BCR: variants seen among roughly 807,000 people sequenced by gnomAD.
BCR encodes the protein BCR activator of RhoGEF and GTPase.
BCR carries 58 observed loss-of-function variants against 138.6 expected under a neutral mutation model. The observed-to-expected ratio is 0.42, with a 90% CI of 0.34 to 0.52. The LOEUF (loss-of-function observed/expected upper bound fraction) is 0.52. BCR is among the 20% of genes least tolerant of loss of function. The pLI is 0.06. For missense variants in BCR, 1,599 were observed against 1,727.2 expected (o/e 0.93, Z 1.32); for synonymous variants, 786 against 730.1 (o/e 1.08, Z -1.23).
At chr22:23,204,089 G>C (rs1464527188) in intron 1 of BCR, among the ~76,000 whole-genome samples, 1 of 152,158 alleles carries the variant, frequency 6.6e-6, no homozygotes, top group African/African-American at 2.4e-5. Flanking sequence ...TGGGCTTGGG[G>C]AGGAAAGGAG....
intron 1 of BCR, among the ~76,000 whole-genome samples, chr22:23,189,188 T>G (rs1279439276): frequency 2.0e-5 from 3 of 152,122 alleles, no homozygotes; most frequent in African/African-American, 7.2e-5. Flanking sequence ...TGCACCATTT[T>G]CTCCATTTTT....
At chr22:23,271,468 G>A (rs1339696397) in intron 5 of BCR, 64 bp from the exon 6 acceptor site, 1 of 1,522,048 alleles carries the variant, frequency 6.6e-7, no homozygotes, top group African/African-American at 1.4e-5. Context: ...GCCAAAGGGG[G>A]AACTGTCTGC....
intron 4 of BCR, chr22:23,263,856 C>T (rs1239883850): frequency 9.9e-7 from 1 of 1,007,484 alleles, no homozygotes; most frequent in African/African-American, 1.6e-5. Context: ...GACTGAAGAC[C>T]AAATCTGGTC....
At chr22:23,262,105 T>C (rs372939663) in intron 4 of BCR, 1 of 34,762 alleles carries the variant, frequency 2.9e-5, no homozygotes, top group Non-Finnish European at 5.3e-5. Flanking sequence ...ACACCCTGTG[T>C]GCGCCATCAC....
chr22:23,234,215 G>T (rs1216080505), intron 1 of BCR, among the ~76,000 whole-genome samples: 3 of 152,194 alleles, frequency 2.0e-5, no homozygotes, highest in Non-Finnish European at 4.4e-5. Flanking sequence ...CTGCGACCCT[G>T]TGTGTTTGAT....
At chr22:23,194,106 G>T (rs1055321231) in intron 1 of BCR, among the ~76,000 whole-genome samples, 2 of 152,250 alleles carry the variant, frequency 1.3e-5, no homozygotes, top group Non-Finnish European at 2.9e-5. Context: ...TGGAAGCTCA[G>T]CGTAGCCTGT....
In BCR at chr22:23,316,272, A is replaced by G; in HGVS notation, c.*750A>G. The G allele has an allele frequency of 6.2e-6, 1 of 160,352 alleles. No individual in the cohort carries two copies. Among genetic ancestry groups the G allele is most frequent in the Non-Finnish European group, 1.2e-5 (1 of 86,848 alleles). The allele number at this position is 160,352 out of a possible 1,614,324, so 9.9% of individuals were successfully genotyped here. ...AGAGCGACCTCGTCCCCCGATCCTG[A>G]CCGCCCTTCCGGCCCACGCTCTCCT... On this transcript the variant is annotated 3_prime_UTR_variant, in exon 23 of 23. Coordinates refer to ENST00000305877, the MANE Select transcript of BCR (RefSeq NM_004327.4).
chr22:23,295,382 C>T lies in BCR; in HGVS notation c.3012+227C>T, dbSNP rs189227265. ...CGTGTCTGTTGCGTCGGCTCATTCC[C>T]AAAGGAATTTCCATTCAACTTGGTT... is the stretch of plus-strand genomic sequence containing the variant. On this transcript the variant is annotated intron_variant, in intron 16 of 22. Coordinates refer to ENST00000305877, the MANE Select transcript of BCR (RefSeq NM_004327.4). Among the ~76,000 whole-genome samples, 10 of 152,318 alleles carry T rather than the reference C, an allele frequency of 6.6e-5. No individual in the cohort carries two copies. In the East Asian group the frequency reaches 1.5e-3, roughly 24 times the overall value.
intron 1 of BCR, among the ~76,000 whole-genome samples, chr22:23,201,454 G>GT (rs965485021): frequency 2.1e-5 from 2 of 95,024 alleles, no homozygotes; most frequent in African/African-American, 1.2e-4. Flanking sequence ...AGTGAATCTG[G>GT]TTTTTTTGTT....
At chr22:23,207,065 G>A (rs2072625743) in intron 1 of BCR, among the ~76,000 whole-genome samples, 1 of 150,332 alleles carries the variant, frequency 6.7e-6, no homozygotes, top group Admixed American at 6.7e-5. Context: ...ATCCAAACAT[G>A]CATCCATTCA....
intron 4 of BCR, among the ~76,000 whole-genome samples, chr22:23,262,476 C>T (rs2073372553): frequency 1.3e-5 from 2 of 152,254 alleles, no homozygotes; most frequent in South Asian, 4.1e-4. Flanking sequence ...TTCTTGCTCC[C>T]TGGGGCTCTT....
rs987224783 is a variant in BCR, at chr22:23,222,697, G to C, written c.1280-31102G>C. Among the ~76,000 whole-genome samples, 3 of 152,144 alleles carry C rather than the reference G, an allele frequency of 2.0e-5. No individual in the cohort carries two copies. The East Asian group carries it at 5.8e-4, about 29-fold the overall frequency. ...AGACCAGACGTGGGCTATGTTGTCT[G>C]GGCCTGTGAAGCTGAGTTCAAGAGC... On this transcript the variant is annotated intron_variant, in intron 1 of 22. Coordinates refer to ENST00000305877, the MANE Select transcript of BCR (RefSeq NM_004327.4).
chr22:23,314,881 G>T (rs749655553), intron 22 of BCR, among the ~76,000 whole-genome samples, 167 bp downstream of exon 22: 74 of 152,294 alleles, frequency 4.9e-4, no homozygotes, highest in Middle Eastern at 6.8e-3. Flanking sequence ...TGATAGTGGG[G>T]GCCCAGGCCA....
rs1489217872 is a variant in BCR at position 23,182,027 on chromosome 22, G to A, written c.1067G>A (p.Ser356Asn). The A allele has an allele frequency of 1.2e-6, 2 of 1,613,098 alleles. No individual in the cohort carries two copies. Among genetic ancestry groups the A allele is most frequent in the Non-Finnish European group, 1.7e-6 (2 of 1,179,462 alleles). The change falls in exon 1 of 23, where the codon AGC (serine) becomes AAC (asparagine). Residue 356 changes from serine (S) to asparagine (N), a missense_variant. Physicochemically the swap from Ser to Asn is conservative, Grantham distance 46. This residue lies in a region of BCR where 806 missense variants were observed against 635.0 expected (regional missense o/e 1.27). Coordinates refer to ENST00000305877, the MANE Select transcript of BCR (RefSeq NM_004327.4). ...SSGQSSRVSP[S>N]PTTYRMFRDK... The stretch of plus-strand genomic sequence containing the variant: ...GGCCAGTCCAGCCGCGTGTCCCCAA[G>A]CCCCACCACCTACCGCATGTTCCGG...
intron 1 of BCR, among the ~76,000 whole-genome samples, chr22:23,234,447 A>C (rs907775177): frequency 6.6e-6 from 1 of 152,002 alleles, no homozygotes; most frequent in Non-Finnish European, 1.5e-5. Context: ...CGTCCTAAGG[A>C]GCTTATGAGA....
At chr22:23,249,431 CAAA>C (rs535635463) in intron 1 of BCR, among the ~76,000 whole-genome samples, 7 of 66,174 alleles carry the variant, frequency 1.1e-4, no homozygotes, top group Non-Finnish European at 6.4e-5. Flanking sequence ...GACTCTGTCT[CAAA>C]AAAAAAAAAA....
chr22:23,263,534 C>A, intron 4 of BCR: 1 of 1,576,484 alleles, frequency 6.3e-7, no homozygotes, highest in Non-Finnish European at 8.7e-7. Flanking sequence ...CTAATTTCAT[C>A]CTGGCCTACC....
rs1197824642 is a variant in BCR, at chr22:23,180,939, CGCAGG to C, written c.-21_-17del. On this transcript the variant is annotated 5_prime_UTR_variant, in exon 1 of 23. The change abolishes the stop of an existing upstream ORF in the 5' untranslated region. Coordinates refer to ENST00000305877, the MANE Select transcript of BCR (RefSeq NM_004327.4). ...ACGGGCCCCGCGCGCAGCCCGGCGG[CGCAGG>C]TAAGGCCGGCCGCGCCATGGTGGAC... 4 of 1,195,940 alleles carry C rather than the reference CGCAGG, an allele frequency of 3.3e-6. No individual in the cohort carries two copies. The highest frequency in any genetic ancestry group is 4.2e-6 in the Non-Finnish European group (4 of 952,412). The allele number at this position is 1,195,940 out of a possible 1,614,324, so 74.1% of individuals were successfully genotyped here.
intron 8 of BCR, among the ~76,000 whole-genome samples, chr22:23,282,255 G>C (rs1315968696): frequency 2.0e-5 from 3 of 152,236 alleles, no homozygotes. Context: ...TCTACATGAT[G>C]TTTCTCCAGG....
Sources: allele counts gnomAD v4.1 joint callset (sites outside exome capture counted in the v4.1 genomes callset), GRCh38; gene constraint gnomAD v4.1.1; regional missense constraint gnomAD v4.1.1; transcripts MANE v1.5; gene names NCBI Gene and HGNC (gene_info 2026-07-23, HGNC 2026-07-21).